The following ATP8A2 variants were observed in gnomAD, a reference collection of about 807,000 sequenced individuals.
The protein encoded by ATP8A2 is ATPase phospholipid transporting 8A2.
In ATP8A2, 100 loss-of-function variants were observed where a neutral mutation model predicts 165.6. The ratio of observed to expected loss-of-function variants is 0.60; its 90% CI spans 0.51 to 0.71. The LOEUF (loss-of-function observed/expected upper bound fraction) is 0.71, where lower values mean the gene tolerates loss of function less well. ATP8A2 is among the 30% of genes least tolerant of loss of function. The pLI is 0.00. For synonymous variants in ATP8A2, 543 were observed against 548.8 expected, an observed-to-expected ratio of 0.99 and a Z score of 0.15; for missense variants, 1,227 against 1,479.5, an observed-to-expected ratio of 0.83 and a Z score of 2.80.
At chr13:25,625,554 T>G (rs549610594) in intron 24 of ATP8A2, among the ~76,000 whole-genome samples, 110 of 152,314 alleles carry the variant, frequency 7.2e-4, no homozygotes, top group African/African-American at 2.6e-3. Flanking sequence ...CAGTGAGTAG[T>G]GAAGGTCTTT....
chr13:25,782,082 C>T (rs1009084371), intron 27 of ATP8A2, among the ~76,000 whole-genome samples: 21 of 152,196 alleles, frequency 1.4e-4, no homozygotes, highest in African/African-American at 4.8e-5. Context: ...TGACTTTTCC[C>T]CTCTTGCATA....
At chr13:25,558,006 C>T (rs1293564698) in intron 13 of ATP8A2, among the ~76,000 whole-genome samples, 16 of 151,952 alleles carry the variant, frequency 1.1e-4, no homozygotes, top group Admixed American at 9.2e-4. Flanking sequence ...TGGGTTCAAG[C>T]GATTCTTCTG....
At chr13:25,573,015 A>G (rs916063254) in intron 18 of ATP8A2, among the ~76,000 whole-genome samples, 1 of 152,196 alleles carries the variant, frequency 6.6e-6, no homozygotes, top group African/African-American at 2.4e-5. Flanking sequence ...TACTTTTACT[A>G]TGCTTATTTT....
At chr13:25,705,035 T>C (rs9581431) in intron 25 of ATP8A2, 12,116 of 265,708 alleles carry the variant, frequency 0.046, 360 homozygotes, top group Middle Eastern at 0.093. Context: ...ACATAAAGTC[T>C]TGTAGGATTT....
chr13:25,530,189 A>C, intron 3 of ATP8A2, 91 bp downstream of exon 3: 1 of 773,756 alleles, frequency 1.3e-6, no homozygotes, highest in South Asian at 1.7e-5. Context: ...AAGTGTTATA[A>C]TCTTGGAATA....
At chr13:25,686,912 C>T (rs1261262118) in intron 24 of ATP8A2, among the ~76,000 whole-genome samples, 2 of 152,176 alleles carry the variant, frequency 1.3e-5, no homozygotes, top group Non-Finnish European at 1.5e-5. Flanking sequence ...TGTCTGTCCC[C>T]TCACTAATGT....
intron 24 of ATP8A2, among the ~76,000 whole-genome samples, chr13:25,611,075 A>G (rs2040672928): frequency 6.6e-6 from 1 of 151,966 alleles, no homozygotes; most frequent in African/African-American, 2.4e-5. Context: ...TAGGTATATG[A>G]TCATATCATC....
intron 28 of ATP8A2, among the ~76,000 whole-genome samples, chr13:25,828,767 CTA>C (rs1951382265): frequency 1.3e-5 from 2 of 152,200 alleles, no homozygotes; most frequent in Admixed American, 1.3e-4. Flanking sequence ...CTTTTTATAA[CTA>C]TGATGAATTC....
chr13:25,520,170 C>T (rs974270155), intron 2 of ATP8A2, among the ~76,000 whole-genome samples: 8 of 152,188 alleles, frequency 5.3e-5, no homozygotes, highest in African/African-American at 1.9e-4. Context: ...TCATCTCTTC[C>T]TCCGTGCTAC....
At chr13:25,790,335 T>C (rs1463906014) in intron 27 of ATP8A2, among the ~76,000 whole-genome samples, 4 of 151,930 alleles carry the variant, frequency 2.6e-5, no homozygotes, top group African/African-American at 9.6e-5. Context: ...GGTCCAAAGG[T>C]CTAATATCTA....
intron 36 of ATP8A2, among the ~76,000 whole-genome samples, chr13:26,019,493 A>G (rs1232554550): frequency 1.3e-5 from 2 of 152,228 alleles, no homozygotes; most frequent in East Asian, 3.8e-4. Flanking sequence ...TTACAGCTTC[A>G]TAAATTAGCT....
chr13:25,643,010 C>G (rs777225651), intron 24 of ATP8A2, among the ~76,000 whole-genome samples: 4 of 151,776 alleles, frequency 2.6e-5, no homozygotes, highest in Non-Finnish European at 5.9e-5. Flanking sequence ...GGGAATTGAA[C>G]AATGAGAACA....
chr13:25,949,888 CT>C (rs1374672137), intron 33 of ATP8A2, among the ~76,000 whole-genome samples: 1 of 152,156 alleles, frequency 6.6e-6, no homozygotes, highest in East Asian at 1.9e-4. Context: ...CCGCCTCCGC[CT>C]CCCAGAATCA....
intron 25 of ATP8A2, among the ~76,000 whole-genome samples, chr13:25,702,594 GATGA>G (rs1409392485): frequency 6.6e-6 from 1 of 152,212 alleles, no homozygotes; most frequent in Non-Finnish European, 1.5e-5. Flanking sequence ...TAGTGTCATG[GATGA>G]ATAAGGAGAG....
chr13:25,454,059 C>T (rs9553622), intron 1 of ATP8A2, among the ~76,000 whole-genome samples: 57,349 of 151,900 alleles, frequency 0.38, 11,653 homozygotes, highest in East Asian at 0.6. Flanking sequence ...AATGAGGTTG[C>T]GACTGCTAAA....
chr13:25,597,351 C>T (rs891246656), intron 24 of ATP8A2, among the ~76,000 whole-genome samples: 1 of 152,196 alleles, frequency 6.6e-6, no homozygotes. Context: ...TGATTTTAAC[C>T]AGTAGAATAT....
At chr13:25,980,150 G>A (rs1956146693) in intron 35 of ATP8A2, among the ~76,000 whole-genome samples, 1 of 152,192 alleles carries the variant, frequency 6.6e-6, no homozygotes, top group South Asian at 2.1e-4. Flanking sequence ...GGGCCTCTTT[G>A]TGCAGCCTTC....
At chr13:25,857,073 A>G (rs76171153) in intron 30 of ATP8A2, among the ~76,000 whole-genome samples, 1 of 152,266 alleles carries the variant, frequency 6.6e-6, no homozygotes, top group African/African-American at 2.4e-5. Flanking sequence ...AAGAAATCCA[A>G]GCTCTTTGCT....
At chr13:25,511,938 G>A (rs1257197367) in intron 2 of ATP8A2, among the ~76,000 whole-genome samples, 1 of 151,442 alleles carries the variant, frequency 6.6e-6, no homozygotes, top group Non-Finnish European at 1.5e-5. Context: ...CGCAGAGGGG[G>A]ATTTGGCAGG....
Sources: gnomAD v4.1 joint callset for allele counts (sites outside exome capture counted in the v4.1 genomes callset) on GRCh38, gnomAD v4.1.1 for gene constraint, MANE v1.5 for transcripts, NCBI Gene and HGNC (gene_info 2026-07-23, HGNC 2026-07-21) for gene names.